Variants in RYR2 observed in about 807,000 individuals in gnomAD.
RYR2 encodes ryanodine receptor 2, also known as cardiac muscle ryanodine receptor-calcium release channel.
In RYR2, 227 loss-of-function variants were observed where a neutral mutation model predicts 601.1. The ratio of observed to expected loss-of-function variants is 0.38; its 90% CI spans 0.34 to 0.42. The LOEUF is 0.42. Ranked by LOEUF, RYR2 falls within the 10% of genes least tolerant of loss-of-function variation. The pLI, the probability that RYR2 is intolerant of heterozygous loss-of-function variation, is 1.00. For missense variants in RYR2, 4,646 were observed against 6,156.5 expected (o/e 0.75, Z 8.21); for synonymous variants, 2,223 against 2,175.1 (o/e 1.02, Z -0.61).
chr1:237,235,848 A>G (rs1192364603), intron 1 of RYR2, among the ~76,000 whole-genome samples: 4 of 152,122 alleles, frequency 2.6e-5, no homozygotes, highest in African/African-American at 2.4e-5. Context: ...ATTTAAATGG[A>G]CAGATATTAA....
intron 1 of RYR2, among the ~76,000 whole-genome samples, chr1:237,191,251 A>G (rs983786051): frequency 2.6e-4 from 39 of 152,000 alleles, no homozygotes; most frequent in Admixed American, 2.5e-3. Context: ...CAGGCTCTCT[A>G]TTCTGTTCCA....
At chr1:237,459,734 T>C (rs16835272) in intron 16 of RYR2, among the ~76,000 whole-genome samples, 4,451 of 152,178 alleles carry the variant, frequency 0.029, 175 homozygotes, top group African/African-American at 0.093. Context: ...GGGATTAAAT[T>C]TGATTATTTT....
chr1:237,649,829 A>G (rs1163834065), intron 49 of RYR2, 48 bp from the exon 50 acceptor site: 3 of 1,541,710 alleles, frequency 1.9e-6, no homozygotes, highest in South Asian at 1.2e-5. Flanking sequence ...TTTGAAGATT[A>G]TCTACTGCCA....
intron 2 of RYR2, among the ~76,000 whole-genome samples, chr1:237,301,114 G>A (rs1012598269): frequency 2.6e-5 from 4 of 151,908 alleles, no homozygotes; most frequent in African/African-American, 9.7e-5. Context: ...CAAGTGCCAG[G>A]TAATCTTTAA....
intron 27 of RYR2, among the ~76,000 whole-genome samples, chr1:237,556,864 C>T (rs896342332): frequency 7.1e-6 from 1 of 139,996 alleles, no homozygotes. Context: ...CAGCAAACTA[C>T]CCCTTTCCCT....
At position 237,417,135 on chromosome 1, in the gene RYR2, T is replaced by C; in HGVS notation, c.848+12T>C. The C allele has an allele frequency of 6.2e-7, 1 of 1,604,452 alleles. No individual in the cohort carries two copies. The highest frequency in any genetic ancestry group is 8.5e-7 in the Non-Finnish European group (1 of 1,171,316). ...ACGCTAAGAGTTGCGTAAGTAGAAC[T>C]TCTAAACACAGCCTAATGCACCAAG... On this transcript the variant is annotated intron_variant, in intron 11 of 104. Coordinates refer to ENST00000366574, the MANE Select transcript of RYR2 (RefSeq NM_001035.3).
intron 5 of RYR2, among the ~76,000 whole-genome samples, chr1:237,367,817 C>A (rs1048317898): frequency 6.6e-6 from 1 of 152,182 alleles, no homozygotes; most frequent in South Asian, 2.1e-4. Flanking sequence ...CCCCTTTATA[C>A]ATACTCCTTA....
intron 2 of RYR2, among the ~76,000 whole-genome samples, chr1:237,301,519 T>C (rs905923415): frequency 2.0e-5 from 3 of 152,190 alleles, no homozygotes. Context: ...AACAGTCACG[T>C]AACCCCTTTT....
At chr1:237,239,945 GT>G (rs1185631084) in intron 1 of RYR2, among the ~76,000 whole-genome samples, 1 of 152,204 alleles carries the variant, frequency 6.6e-6, no homozygotes, top group Non-Finnish European at 1.5e-5. Flanking sequence ...GAGGGAAGAA[GT>G]TTGGATAAAA....
At chr1:237,711,477 T>G (rs1337184834) in intron 70 of RYR2, among the ~76,000 whole-genome samples, 1 of 152,230 alleles carries the variant, frequency 6.6e-6, no homozygotes, top group African/African-American at 2.4e-5. Flanking sequence ...ATTCTACTCC[T>G]TGGTAAACAT....
chr1:237,736,286 C>T (rs1196919208), intron 79 of RYR2, among the ~76,000 whole-genome samples: 1 of 151,878 alleles, frequency 6.6e-6, no homozygotes, highest in Non-Finnish European at 1.5e-5. Context: ...CATGGTGAAA[C>T]CCCGTCTCTG....
chr1:237,543,300 T>G (rs1043548441), intron 25 of RYR2, among the ~76,000 whole-genome samples: 22 of 152,174 alleles, frequency 1.4e-4, no homozygotes, highest in Admixed American at 4.6e-4. Context: ...AGGGCACATC[T>G]TCATATTACA....
intron 96 of RYR2, among the ~76,000 whole-genome samples, chr1:237,796,620 T>C (rs114932868): frequency 0.018 from 2,730 of 152,232 alleles, 90 homozygotes; most frequent in African/African-American, 0.063. Context: ...TCCTTCTTCA[T>C]TCACTTCAAT....
intron 1 of RYR2, among the ~76,000 whole-genome samples, chr1:237,171,908 C>A (rs1407127664): frequency 6.6e-6 from 1 of 152,190 alleles, no homozygotes; most frequent in Non-Finnish European, 1.5e-5. Context: ...TTCTGTTTTG[C>A]CCCCAAGAGG....
At chr1:237,625,574 C>A (rs548687796) in intron 39 of RYR2, 87 bp from the exon 40 acceptor site, 1 of 1,339,564 alleles carries the variant, frequency 7.5e-7, no homozygotes, top group Non-Finnish European at 1.0e-6. Context: ...CTAAGTTGTG[C>A]ATGAAAGAAA....
At chr1:237,525,389 C>T (rs1037700731) in intron 24 of RYR2, among the ~76,000 whole-genome samples, 8 of 152,044 alleles carry the variant, frequency 5.3e-5, no homozygotes, top group African/African-American at 1.2e-4. Flanking sequence ...AAGTTGATTC[C>T]GTGACTTTGC....
chr1:237,153,471 C>T (rs1001377647), intron 1 of RYR2, among the ~76,000 whole-genome samples: 4 of 152,038 alleles, frequency 2.6e-5, no homozygotes, highest in African/African-American at 9.7e-5. Flanking sequence ...GGCAGTTCAA[C>T]TTGGCGATAA....
At chr1:237,431,571 A>G (rs1331896391) in intron 12 of RYR2, among the ~76,000 whole-genome samples, 1 of 152,178 alleles carries the variant, frequency 6.6e-6, no homozygotes, top group East Asian at 1.9e-4. Context: ...TCATGCAGCT[A>G]CTTTATTATA....
chr1:237,651,433 C>G lies in RYR2; in HGVS notation c.7756C>G (p.Gln2586Glu), dbSNP rs1682720673. Residue 2586 changes from glutamine to glutamate, a missense_variant, in exon 51 of 105, where the codon CAG becomes GAG. By Grantham distance (29) the Gln-to-Glu change is conservative. Coordinates refer to ENST00000366574, the MANE Select transcript of RYR2 (RefSeq NM_001035.3). ...ICGQLRPSMM[Q>E]HLLRRLVFDV... Reference sequence around the variant, plus strand: ...CAGACAACTGAGACCTTCTATGATGCAGCACTTACTCAGAAGATTAGTATT... The same window carrying G: ...CAGACAACTGAGACCTTCTATGATGGAGCACTTACTCAGAAGATTAGTATT... 6 of 1,596,320 alleles carry G rather than the reference C, an allele frequency of 3.8e-6. No homozygotes were observed. The highest frequency in any genetic ancestry group is 5.1e-6 in the Non-Finnish European group (6 of 1,170,430).
Sources: gnomAD v4.1 joint callset for allele counts (sites outside exome capture counted in the v4.1 genomes callset) on GRCh38, gnomAD v4.1.1 for gene constraint, MANE v1.5 for transcripts, NCBI Gene and HGNC (gene_info 2026-07-23, HGNC 2026-07-21) for gene names.